GRIK2: variants seen among roughly 807,000 people sequenced by gnomAD.
GRIK2 encodes glutamate ionotropic receptor kainate type subunit 2.
A neutral mutation model predicts 100.3 loss-of-function variants in GRIK2; 32 were observed. The ratio of observed to expected loss-of-function variants is 0.32; its 90% CI spans 0.24 to 0.43. The LOEUF (loss-of-function observed/expected upper bound fraction) is 0.43, where lower values mean the gene tolerates loss of function less well. GRIK2 is among the 20% of genes least tolerant of loss of function. GRIK2 has a pLI of 1.00. For missense variants in GRIK2, 843 were observed against 1,114.9 expected (o/e 0.76, Z 3.47); for synonymous variants, 417 against 389.4 (o/e 1.07, Z -0.83).
intron 16 of GRIK2, chr6:102,063,982 G>A: frequency 1.3e-6 from 2 of 1,547,448 alleles, no homozygotes; most frequent in Non-Finnish European, 1.8e-6. Flanking sequence ...TTTGGTTAGT[G>A]CCACCATACC....
At chr6:101,904,513 C>A (rs968929749) in intron 12 of GRIK2, among the ~76,000 whole-genome samples, 1 of 151,242 alleles carries the variant, frequency 6.6e-6, no homozygotes, top group Non-Finnish European at 1.5e-5. Flanking sequence ...GGTCTTAGGA[C>A]AACCTGTTAT....
At position 101,519,633 on chromosome 6, in the gene GRIK2, AT is replaced by A. The variant is rs202117793; in HGVS notation, c.116-102308del. Among the ~76,000 whole-genome samples the A allele has an allele frequency of 2.7e-3, 417 of 151,892 alleles. 2 individuals carry two copies. The highest frequency in any genetic ancestry group is 0.01 in the Middle Eastern group (3 of 294). On this transcript the variant is annotated intron_variant, in intron 2 of 16. Coordinates refer to ENST00000369134, the MANE Select transcript of GRIK2 (RefSeq NM_021956.5). The stretch of plus-strand genomic sequence containing the variant: ...CTTATAAATCTTGAGAGAAAGTGGG[AT>A]TTTTTTTCCCCATTGTACTGAAATT...
At chr6:101,821,853 CT>C (rs985806836) in intron 10 of GRIK2, among the ~76,000 whole-genome samples, 1 of 151,928 alleles carries the variant, frequency 6.6e-6, no homozygotes, top group Admixed American at 6.6e-5. Flanking sequence ...CTTGAAATAT[CT>C]TAGAGGAAAT....
intron 12 of GRIK2, among the ~76,000 whole-genome samples, chr6:101,892,360 A>T (rs1322782605): frequency 6.6e-6 from 1 of 152,162 alleles, no homozygotes; most frequent in African/African-American, 2.4e-5. Context: ...AGGCATATGG[A>T]TGGATATGCA....
intron 9 of GRIK2, among the ~76,000 whole-genome samples, chr6:101,809,804 T>C (rs1781220045): frequency 6.6e-6 from 1 of 152,082 alleles, no homozygotes; most frequent in South Asian, 2.1e-4. Flanking sequence ...AACTCTTATA[T>C]AGAATTCATT....
chr6:101,548,653 G>A (rs577683029), intron 2 of GRIK2, among the ~76,000 whole-genome samples: 6 of 152,166 alleles, frequency 3.9e-5, no homozygotes, highest in Admixed American at 6.5e-5. Context: ...TTATTTCTGA[G>A]GGCTGCAGTT....
At chr6:101,586,892 C>CAAAAAAAAAAAAA (rs1199378638) in intron 2 of GRIK2, among the ~76,000 whole-genome samples, 2 of 53,970 alleles carry the variant, frequency 3.7e-5, no homozygotes, top group Non-Finnish European at 3.7e-5. Flanking sequence ...TCTGTCTTAA[C>CAAAAAAAAAAAAA]AAAAAAAAAA....
intron 2 of GRIK2, among the ~76,000 whole-genome samples, chr6:101,572,145 T>A (rs888687397): frequency 6.6e-6 from 1 of 152,128 alleles, no homozygotes; most frequent in African/African-American, 2.4e-5. Flanking sequence ...AAAAGTTGCT[T>A]TTTTATTTTA....
chr6:101,854,153 A>G (rs1285258249), intron 10 of GRIK2, among the ~76,000 whole-genome samples: 3 of 152,126 alleles, frequency 2.0e-5, no homozygotes, highest in Admixed American at 1.3e-4. Flanking sequence ...CTGGATGTTG[A>G]TAGTAGGGTA....
chr6:101,616,660 T>C (rs580543), intron 2 of GRIK2, among the ~76,000 whole-genome samples: 35,173 of 151,546 alleles, frequency 0.23, 5,152 homozygotes, highest in African/African-American at 0.4. Flanking sequence ...GTTTCCATCC[T>C]GTAAGTAGAA....
At chr6:101,529,772 A>T (rs9404115) in intron 2 of GRIK2, among the ~76,000 whole-genome samples, 25,240 of 152,070 alleles carry the variant, frequency 0.17, 2,454 homozygotes, top group South Asian at 0.31. Flanking sequence ...ACAAAGTCCT[A>T]TGGGAATTCA....
At chr6:101,934,166 T>C (rs928122174) in intron 14 of GRIK2, among the ~76,000 whole-genome samples, 10 of 151,896 alleles carry the variant, frequency 6.6e-5, no homozygotes, top group African/African-American at 1.9e-4. Context: ...TTAAGTGACT[T>C]ATTAATTATA....
chr6:101,784,204 T>C (rs1038594509), intron 7 of GRIK2, among the ~76,000 whole-genome samples: 1 of 152,186 alleles, frequency 6.6e-6, no homozygotes, highest in Non-Finnish European at 1.5e-5. Flanking sequence ...AAAATTGGCT[T>C]CATGGGCCAG....
intron 2 of GRIK2, among the ~76,000 whole-genome samples, chr6:101,511,222 A>G (rs12215960): frequency 0.11 from 17,195 of 152,252 alleles, 1,126 homozygotes; most frequent in East Asian, 0.3. Flanking sequence ...TAATTTGACC[A>G]TAGATCTCAT....
At chr6:101,815,874 T>C (rs1399093306) in intron 9 of GRIK2, among the ~76,000 whole-genome samples, 1 of 152,130 alleles carries the variant, frequency 6.6e-6, no homozygotes, top group Admixed American at 6.6e-5. Flanking sequence ...AATATTACGC[T>C]AAGAAAGCTG....
At chr6:101,765,243 T>A (rs1777976740) in intron 7 of GRIK2, among the ~76,000 whole-genome samples, 1 of 152,152 alleles carries the variant, frequency 6.6e-6, no homozygotes. Context: ...TTGTACTGCA[T>A]CTTCAATTGC....
At chr6:101,755,877 C>T (rs1434237805) in intron 7 of GRIK2, among the ~76,000 whole-genome samples, 1 of 152,090 alleles carries the variant, frequency 6.6e-6, no homozygotes, top group Non-Finnish European at 1.5e-5. Context: ...CCTAGGAAAG[C>T]AATTTTATGA....
chr6:101,909,642 A>G (rs1346747276), intron 12 of GRIK2, among the ~76,000 whole-genome samples: 2 of 149,482 alleles, frequency 1.3e-5, no homozygotes, highest in Non-Finnish European at 3.0e-5. Context: ...ATGAAGAAGA[A>G]AAAAGCATCC....
chr6:101,946,848 T>C (rs1791311001), intron 14 of GRIK2, among the ~76,000 whole-genome samples: 2 of 152,140 alleles, frequency 1.3e-5, no homozygotes, highest in South Asian at 2.1e-4. Context: ...AACTTTTTGA[T>C]ATCTTCATGA....
Sources: allele counts gnomAD v4.1 joint callset (sites outside exome capture counted in the v4.1 genomes callset), GRCh38; gene constraint gnomAD v4.1.1; transcripts MANE v1.5; gene names NCBI Gene and HGNC (gene_info 2026-07-23, HGNC 2026-07-21).